Variants in SLC20A2 observed in about 807,000 individuals in gnomAD.
SLC20A2 encodes the protein sodium-dependent phosphate transporter 2.
In SLC20A2, 30 loss-of-function variants were observed where a neutral mutation model predicts 61.0. The observed-to-expected ratio is 0.49, with a 90% confidence interval of 0.37 to 0.67. The LOEUF is 0.67. Ranked by LOEUF, SLC20A2 falls within the 30% of genes least tolerant of loss-of-function variation. SLC20A2 has a pLI of 0.00. For missense variants in SLC20A2, 626 were observed against 866.4 expected (o/e 0.72, Z 3.48); for synonymous variants, 351 against 353.3 (o/e 0.99, Z 0.07).
chr8:42,444,790 A>G, intron 5 of SLC20A2, 28 bp from the exon 6 acceptor site: 1 of 1,573,844 alleles, frequency 6.4e-7, no homozygotes, highest in East Asian at 2.2e-5. Context: ...AAGCAGTGTC[A>G]TTACTGGAAA....
chr8:42,437,671 T>A lies in SLC20A2; in HGVS notation c.935-94A>T. The A allele has an allele frequency of 9.4e-7, 1 of 1,060,890 alleles. No individual in the cohort carries two copies. The highest frequency in any genetic ancestry group is 1.3e-6 in the Non-Finnish European group (1 of 769,836). 65.7% of individuals were successfully genotyped at this position (1,060,890 alleles called of 1,614,324 possible). On this transcript the variant is annotated intron_variant, in intron 7 of 10. Transcript: ENST00000520262. The surrounding 1 kb of genome is among the most constrained non-coding windows in gnomAD (Gnocchi z 6.4). Reference sequence around the variant, plus strand: ...GCCTTGCTCTGTCCTCAGGGTGGAGTACAATGGCGCAATCTCGGCTCACTG... The same window carrying A: ...GCCTTGCTCTGTCCTCAGGGTGGAGAACAATGGCGCAATCTCGGCTCACTG...
intron 1 of SLC20A2, among the ~76,000 whole-genome samples, chr8:42,484,283 GC>G (rs1808774775): frequency 6.6e-6 from 1 of 152,136 alleles, no homozygotes; most frequent in African/African-American, 2.4e-5. Context: ...TGCTAAATTG[GC>G]AGTATAAACA....
intron 10 of SLC20A2, among the ~76,000 whole-genome samples, chr8:42,419,376 C>G (rs1223395091): frequency 6.6e-6 from 1 of 151,786 alleles, no homozygotes; most frequent in African/African-American, 2.4e-5. Flanking sequence ...TCGAGACCAG[C>G]CTGACCAACA....
chr8:42,480,941 G>T (rs1381248089), intron 1 of SLC20A2, among the ~76,000 whole-genome samples: 7 of 152,236 alleles, frequency 4.6e-5, no homozygotes, highest in African/African-American at 2.4e-5. Context: ...GATTACAGAC[G>T]TGAGCCACTG....
chr8:42,436,077 C>T (rs1444080905), intron 8 of SLC20A2, among the ~76,000 whole-genome samples: 1 of 151,998 alleles, frequency 6.6e-6, no homozygotes, highest in African/African-American at 2.4e-5. Flanking sequence ...GATTGCGCCA[C>T]TGCACTCCAG....
chr8:42,489,721 G>C (rs1809369036), intron 1 of SLC20A2, among the ~76,000 whole-genome samples: 1 of 152,194 alleles, frequency 6.6e-6, no homozygotes, highest in Non-Finnish European at 1.5e-5. Context: ...TTGTGGGACA[G>C]CACAAGCCAC....
chr8:42,503,966 G>C (rs999934897), upstream of SLC20A2, among the ~76,000 whole-genome samples: 2 of 152,140 alleles, frequency 1.3e-5, no homozygotes, highest in Non-Finnish European at 2.9e-5. Context: ...TAGAGCTAGG[G>C]TCTCATTCTG....
intron 1 of SLC20A2, among the ~76,000 whole-genome samples, chr8:42,491,368 G>T (rs768546829): frequency 6.6e-6 from 1 of 152,168 alleles, no homozygotes. Context: ...TGCCAGGCAT[G>T]GTGGCACATG....
At position 42,472,770 on chromosome 8, in the gene SLC20A2, G is replaced by A; in HGVS notation, c.-264-116C>T. The A allele has an allele frequency of 5.7e-6, 1 of 175,350 alleles. No homozygotes were observed. Among genetic ancestry groups the A allele is most frequent in the Non-Finnish European group, 1.2e-5 (1 of 81,812 alleles). 10.9% of individuals were successfully genotyped at this position (175,350 alleles called of 1,614,324 possible). On this transcript the variant is annotated intron_variant, in intron 1 of 10. Coordinates refer to ENST00000520262, the MANE Select transcript of SLC20A2 (RefSeq NM_001257180.2). The surrounding 1 kb of genome is among the most constrained non-coding windows in gnomAD (Gnocchi z 4.1). ...TGGGATCTAACTTTGGCATGTGACG[G>A]ACCTAACCATAAAGCAATTCAAGGA...
rs117041208 is a variant in SLC20A2 at position 42,531,747 on chromosome 8, C to T, written c.-265+10074G>A. Among the ~76,000 whole-genome samples the T allele has an allele frequency of 5.9e-5, 9 of 151,532 alleles. No homozygotes were observed. In the East Asian group the frequency reaches 1.7e-3, roughly 29 times the overall value. On this transcript the variant is annotated intron_variant, in intron 1 of 10. Transcript: ENST00000342228. ...ATTACAGTATAATTACAAAATGACA[C>T]AGGTTAATATTTAAGGAGACATTAA...
intron 5 of SLC20A2, among the ~76,000 whole-genome samples, chr8:42,454,692 C>T (rs376660038): frequency 6.6e-6 from 1 of 151,642 alleles, no homozygotes; most frequent in South Asian, 2.1e-4. Flanking sequence ...TCATAGTTCA[C>T]GACAGCCTTT....
At chr8:42,436,903 C>T (rs1804310241) in intron 8 of SLC20A2, 86 bp downstream of exon 8, 1 of 1,246,450 alleles carries the variant, frequency 8.0e-7, no homozygotes, top group Admixed American at 2.6e-5. Context: ...CGGTGCCGTT[C>T]ACTGCTGGAT....
At chr8:42,529,678 T>G (rs1339230081) in intron 1 of SLC20A2, among the ~76,000 whole-genome samples, 2 of 152,184 alleles carry the variant, frequency 1.3e-5, no homozygotes, top group Non-Finnish European at 2.9e-5. Context: ...AGACATACAT[T>G]ATGAAGATTA....
At chr8:42,494,915 C>T (rs1276676941) in intron 1 of SLC20A2, among the ~76,000 whole-genome samples, 1 of 152,004 alleles carries the variant, frequency 6.6e-6, no homozygotes, top group Non-Finnish European at 1.5e-5. Flanking sequence ...GGTGCGATCT[C>T]GGCTCCCTGC....
chr8:42,444,259 A>G (rs1325458687), intron 6 of SLC20A2, among the ~76,000 whole-genome samples: 1 of 152,208 alleles, frequency 6.6e-6, no homozygotes, highest in African/African-American at 2.4e-5. Context: ...GGAGAGTTCC[A>G]ATTATTTCAC....
chr8:42,458,293 T>A (rs1806367245), intron 5 of SLC20A2, among the ~76,000 whole-genome samples: 1 of 152,134 alleles, frequency 6.6e-6, no homozygotes, highest in African/African-American at 2.4e-5. Context: ...AAGAATACCA[T>A]ACATAAGCTT....
chr8:42,535,551 A>G (rs1022599158), intron 1 of SLC20A2, among the ~76,000 whole-genome samples: 34 of 152,222 alleles, frequency 2.2e-4, no homozygotes, highest in Non-Finnish European at 4.7e-4. Context: ...ATAATTGAAA[A>G]GCATGGTTTA....
chr8:42,481,025 C>T (rs548423468), intron 1 of SLC20A2, among the ~76,000 whole-genome samples: 79 of 152,240 alleles, frequency 5.2e-4, no homozygotes, highest in Non-Finnish European at 4.4e-5. Flanking sequence ...CAGTTCTTCC[C>T]TCATCTTCCT....
chr8:42,491,906 G>C (rs1216385449), intron 1 of SLC20A2, among the ~76,000 whole-genome samples: 1 of 152,154 alleles, frequency 6.6e-6, no homozygotes, highest in Non-Finnish European at 1.5e-5. Flanking sequence ...AGAGCTTTGG[G>C]ACTTAACTCA....
Sources: allele counts gnomAD v4.1 joint callset (sites outside exome capture counted in the v4.1 genomes callset), GRCh38; gene constraint gnomAD v4.1.1; non-coding constraint Gnocchi (gnomAD v3.1); transcripts MANE v1.5; gene names NCBI Gene and HGNC (gene_info 2026-07-23, HGNC 2026-07-21).